NOP14: variants seen among roughly 807,000 people sequenced by gnomAD.
NOP14 encodes the protein nucleolar protein 14.
In NOP14, 57 loss-of-function variants were observed where a neutral mutation model predicts 101.6. The ratio of observed to expected loss-of-function variants is 0.56; its 90% CI spans 0.45 to 0.70. NOP14 has a LOEUF of 0.70. NOP14 is among the 30% of genes least tolerant of loss of function. The pLI is 0.00. For missense variants in NOP14, 1,134 were observed against 1,075.5 expected, an observed-to-expected ratio of 1.05 and a Z score of -0.76; for synonymous variants, 428 against 424.0, an observed-to-expected ratio of 1.01 and a Z score of -0.12.
At position 2,952,284 on chromosome 4, in the gene NOP14, C is replaced by A. The variant is rs142797678; in HGVS notation, c.861G>T (p.Arg287Ser). 1 of 1,613,514 alleles carries A rather than the reference C, an allele frequency of 6.2e-7. No homozygotes were observed. Among genetic ancestry groups the A allele is most frequent in the African/African-American group, 1.3e-5 (1 of 74,914 alleles). Residue 287 changes from arginine to serine, a missense_variant, in exon 6 of 18, where the codon AGG (arginine) becomes AGT (serine). Physicochemically the swap from Arg to Ser is moderately radical, Grantham distance 110 (BLOSUM62 -1). Transcript: ENST00000416614. ...GGTGCTGCCACCCTACCTCCAGCTT[C>A]CTGAGGTGCTCCTGCTCTTCCTTTG... ...ELAKEEQEHL[R>S]KLEAERLRRM...
chr4:2,959,480 C>T (rs1367722955), intron 1 of NOP14, among the ~76,000 whole-genome samples: 1 of 152,072 alleles, frequency 6.6e-6, no homozygotes, highest in African/African-American at 2.4e-5. Context: ...GTAGTCCCAG[C>T]TACTCAGGAG....
At position 2,939,697 on chromosome 4, in the gene NOP14, T is replaced by C. The variant is rs749923134; in HGVS notation, c.2200-52A>G. On this transcript the variant is annotated intron_variant, in intron 15 of 17. Transcript: ENST00000416614. The stretch of plus-strand genomic sequence containing the variant: ...GCGATGACTCACCTGCTGCGTGCCC[T>C]GAGCTCCACGCACGGGTTCTGTGGT... 3.7e-6 allele frequency: 5 copies of C among 1,354,656 alleles called. No individual in the cohort carries two copies. In the South Asian group the frequency reaches 5.8e-5, roughly 16 times the overall value. 83.9% of individuals were successfully genotyped at this position (1,354,656 alleles called of 1,614,324 possible). A position where few individuals can be genotyped will look rare whatever the true frequency, so the allele number is the denominator to read the frequency against.
In NOP14 at chr4:2,939,199, T is replaced by A; in HGVS notation, c.2463A>T (p.Glu821Asp). 2 of 1,613,970 alleles carry A rather than the reference T, an allele frequency of 1.2e-6. No individual in the cohort carries two copies. Among genetic ancestry groups the A allele is most frequent in the East Asian group, 4.5e-5 (2 of 44,880 alleles). ...NQFLARMQLS[E>D]IMERDAERKR... ...CACGTCCCCCTCACCGTTCCATGAT[T>A]TCTGAGAGTTGCATCCTCGCCAGGA... Residue 821 changes from glutamate to aspartate, a missense_variant, in exon 17 of 18, where the codon GAA (glutamate) becomes GAT (aspartate). By Grantham distance (45) the Glu-to-Asp change is conservative. Coordinates refer to ENST00000416614, the MANE Select transcript of NOP14 (RefSeq NM_001291978.2).
At position 2,951,258 on chromosome 4, in the gene NOP14, G is replaced by T. The variant is rs1350286529; in HGVS notation, c.871-13C>A. ...GAAGTCTCTCAGCCTGAGCAGGAAG[G>T]AATGAGATGTCTTAGAGCACACTCT... On this transcript the variant is annotated splice_polypyrimidine_tract_variant and intron_variant, in intron 6 of 17. Coordinates refer to ENST00000416614, the MANE Select transcript of NOP14 (RefSeq NM_001291978.2). The T allele has an allele frequency of 6.2e-7, 1 of 1,612,838 alleles. No individual in the cohort carries two copies. Among genetic ancestry groups the T allele is most frequent in the African/African-American group, 1.3e-5 (1 of 74,908 alleles).
chr4:2,956,736 C>G lies in NOP14; in HGVS notation c.406G>C (p.Asp136His), dbSNP rs908519499. 1.9e-6 allele frequency: 3 copies of G among 1,613,418 alleles called. No homozygotes were observed. In the African/African-American group the frequency reaches 4.0e-5, roughly 22 times the overall value. ...ELTHYGQSLA[D>H]IEKHNDIVDS... ...ACAATGTCATTATGCTTCTCGATGT[C>G]TGCCAAAGACTGGCCATAATGAGTC... is the stretch of plus-strand genomic sequence containing the variant. Residue 136 changes from aspartate (D) to histidine (H), a missense_variant, in exon 3 of 18, where the codon GAC becomes CAC. Transcript: ENST00000416614.
Position 2,963,221 on chromosome 4 carries a change from C to T in NOP14, c.99G>A (p.Glu33=), listed in dbSNP as rs781062439. 31 of 1,590,422 alleles carry T rather than the reference C, an allele frequency of 1.9e-5. No individual in the cohort carries two copies. The highest frequency in any genetic ancestry group is 2.6e-5 in the Non-Finnish European group (30 of 1,170,850). Residue 33 remains glutamate (E), a synonymous_variant, in exon 1 of 18, where the codon GAG becomes GAA. Coordinates refer to ENST00000416614, the MANE Select transcript of NOP14 (RefSeq NM_001291978.2). ...GGAACTTCTGCCTGTTAACTTTCAC[C>T]TCGAACGGATTGGAGTTGGCCTTCG... ...GPAKANSNPF[E]VKVNRQKFQI...
At chr4:2,959,975 T>C (rs1464563253) in intron 1 of NOP14, among the ~76,000 whole-genome samples, 1 of 151,960 alleles carries the variant, frequency 6.6e-6, no homozygotes, top group African/African-American at 2.4e-5. Flanking sequence ...TGAGACCTTT[T>C]TTTTTTTTTT....
intron 1 of NOP14, among the ~76,000 whole-genome samples, chr4:2,959,408 T>C (rs143152587): frequency 0.044 from 6,698 of 152,032 alleles, 245 homozygotes; most frequent in African/African-American, 0.1. Flanking sequence ...CTGGGTAACA[T>C]GGTGAAACCC....
chr4:2,960,699 TAATATTAATATATTAATATTATAATC>T lies in NOP14; in HGVS notation c.195+2400_195+2425del, dbSNP rs1560310425. 1.9e-3 allele frequency among the ~76,000 whole-genome samples: 267 copies of T among 137,338 alleles called. 2 individuals carry two copies. The highest frequency in any genetic ancestry group is 7.3e-3 in the African/African-American group (256 of 35,152). 90.1% of individuals were successfully genotyped at this position (137,338 alleles called of 152,430 possible). A position where few individuals can be genotyped will look rare whatever the true frequency, so the allele number is the denominator to read the frequency against. ...TATTATATTAATATTATAATCACAT[TAATATTAATATATTAATATTATAATC>T]ACATTAATATTAATATATTAATATT... is the stretch of plus-strand genomic sequence containing the variant. On this transcript the variant is annotated intron_variant, in intron 1 of 17. Coordinates refer to ENST00000416614, the MANE Select transcript of NOP14 (RefSeq NM_001291978.2).
intron 5 of NOP14, 30 bp from the exon 6 acceptor site, chr4:2,952,427 TA>T (rs1560304240): frequency 6.5e-7 from 1 of 1,535,746 alleles, no homozygotes; most frequent in Non-Finnish European, 8.8e-7. Flanking sequence ...TTCTTCATTT[TA>T]AAAATATATT....
chr4:2,942,175 G>T lies in NOP14; in HGVS notation c.2051+17C>A, dbSNP rs373019587. The stretch of plus-strand genomic sequence containing the variant: ...CGCTGTAGGGCACAGGCCCCAAAGC[G>T]GGGTCCCCTCACATACCGGATGTGA... On this transcript the variant is annotated intron_variant, in intron 14 of 17. Transcript: ENST00000416614. 6.2e-7 allele frequency: 1 copy of T among 1,609,650 alleles called. No homozygotes were observed. Among genetic ancestry groups the T allele is most frequent in the African/African-American group, 1.3e-5 (1 of 74,998 alleles).
At chr4:2,948,457 A>G (rs746260439) in intron 8 of NOP14, 49 bp from the exon 9 acceptor site, 3 of 1,386,238 alleles carry the variant, frequency 2.2e-6, no homozygotes, top group African/African-American at 1.5e-5. Flanking sequence ...ATATATATGT[A>G]TATATATTTA....
At position 2,942,316 on chromosome 4, in the gene NOP14, T is replaced by TC; in HGVS notation, c.1926dup (p.Lys643GlufsTer11). On this transcript the variant is annotated frameshift_variant, in exon 14 of 18. Coordinates refer to ENST00000416614, the MANE Select transcript of NOP14 (RefSeq NM_001291978.2). LOFTEE classifies it high-confidence loss of function. Reference sequence around the variant, plus strand: ...GACACCACGAGCAGTTCCGAGTTCTTCCCAAGCGCTCTGAAAGGGTGCACC... The same window carrying TC: ...GACACCACGAGCAGTTCCGAGTTCTTCCCCAAGCGCTCTGAAAGGGTGCACC... The TC allele has an allele frequency of 1.2e-6, 2 of 1,614,026 alleles. No homozygotes were observed. The highest frequency in any genetic ancestry group is 1.7e-6 in the Non-Finnish European group (2 of 1,179,966).
At chr4:2,951,964 G>A (rs967068940) in intron 6 of NOP14, among the ~76,000 whole-genome samples, 1 of 152,024 alleles carries the variant, frequency 6.6e-6, no homozygotes, top group Non-Finnish European at 1.5e-5. Context: ...AAAATTAGCC[G>A]GGCGTGGTGG....
chr4:2,951,976 A>G (rs1967959), intron 6 of NOP14, among the ~76,000 whole-genome samples: 72,397 of 151,754 alleles, frequency 0.48, 18,847 homozygotes, highest in African/African-American at 0.68. Context: ...GCGTGGTGGC[A>G]GGCGCCTGTA....
At chr4:2,940,343 T>A (rs1296646888) in intron 15 of NOP14, 3 of 152,318 alleles carry the variant, frequency 2.0e-5, no homozygotes, top group Non-Finnish European at 4.4e-5. Context: ...ATACAGCCAC[T>A]CCTGGGCCCA....
At chr4:2,945,769 T>C (rs1366759756) in intron 11 of NOP14, among the ~76,000 whole-genome samples, 1 of 152,226 alleles carries the variant, frequency 6.6e-6, no homozygotes, top group Non-Finnish European at 1.5e-5. Flanking sequence ...AATACCGTGG[T>C]TCTATTTGCC....
rs777929604 is a variant in NOP14, at chr4:2,939,190, T to C, written c.2472A>G (p.Glu824=). The part of the protein sequence containing the change: ...LARMQLSEIM[E]RDAERKRKVK... ...TCGCACACACACGTCCCCCTCACCGTTCCATGATTTCTGAGAGTTGCATCC... is the reference window on the plus strand; with the variant it reads ...TCGCACACACACGTCCCCCTCACCGCTCCATGATTTCTGAGAGTTGCATCC... Residue 824 remains glutamate (E), a splice_region_variant and synonymous_variant, in exon 17 of 18, where the codon GAA becomes GAG. Transcript: ENST00000416614. 1 of 1,613,936 alleles carries C rather than the reference T, an allele frequency of 6.2e-7. No homozygotes were observed. Among genetic ancestry groups the C allele is most frequent in the Admixed American group, 1.7e-5 (1 of 60,030 alleles).
In NOP14 at chr4:2,938,361, A is replaced by G. The variant is rs1257790027; in HGVS notation, c.*470T>C. The G allele has an allele frequency of 2.2e-6, 1 of 462,182 alleles. No individual in the cohort carries two copies. The highest frequency in any genetic ancestry group is 3.9e-6 in the Non-Finnish European group (1 of 253,888). 28.6% of individuals were successfully genotyped at this position (462,182 alleles called of 1,614,324 possible). ...CATGGAGAAACCCCGTCTCTACTAAAAATACAAAATTAGCTGGGCGTGGTG... is the reference window on the plus strand; with the variant it reads ...CATGGAGAAACCCCGTCTCTACTAAGAATACAAAATTAGCTGGGCGTGGTG... On this transcript the variant is annotated 3_prime_UTR_variant, in exon 18 of 18. Transcript: ENST00000416614.
Sources: gnomAD v4.1 joint callset for allele counts (sites outside exome capture counted in the v4.1 genomes callset) on GRCh38, gnomAD v4.1.1 for gene constraint, MANE v1.5 for transcripts, NCBI Gene and HGNC (gene_info 2026-07-23, HGNC 2026-07-21) for gene names.